Variants in SPAG16 observed in about 807,000 individuals in gnomAD.
The protein encoded by SPAG16 is sperm associated antigen 16.
SPAG16 carries 86 observed loss-of-function variants against 80.4 expected under a neutral mutation model. That is an observed-to-expected ratio of 1.07 (90% CI 0.90 to 1.28). The LOEUF (loss-of-function observed/expected upper bound fraction) is 1.28, where lower values mean the gene tolerates loss of function less well. Ranked by LOEUF, SPAG16 falls within the 50% of genes most tolerant of loss-of-function variation. The pLI, the probability that SPAG16 is intolerant of heterozygous loss-of-function variation, is 0.00. For synonymous variants in SPAG16, 294 were observed against 265.9 expected (o/e 1.11, Z -1.03); for missense variants, 870 against 765.3 (o/e 1.14, Z -1.61).
intron 14 of SPAG16, among the ~76,000 whole-genome samples, chr2:214,123,613 A>C (rs1424293390): frequency 1.3e-5 from 2 of 152,042 alleles, no homozygotes; most frequent in African/African-American, 4.8e-5. Context: ...CAGAGACAAT[A>C]AACCAGTAAA....
intron 15 of SPAG16, among the ~76,000 whole-genome samples, chr2:214,193,827 C>T (rs1412724273): frequency 1.3e-5 from 2 of 152,018 alleles, no homozygotes; most frequent in African/African-American, 4.8e-5. Flanking sequence ...TGCAAATGTT[C>T]TCTCTACTGC....
At chr2:213,721,544 G>A (rs372415529) in intron 10 of SPAG16, among the ~76,000 whole-genome samples, 7 of 152,304 alleles carry the variant, frequency 4.6e-5, no homozygotes, top group African/African-American at 1.7e-4. Context: ...TCATTGACCT[G>A]ATTGGTTAAG....
At position 213,615,114 on chromosome 2, in the gene SPAG16, A is replaced by T. The variant is rs187894850; in HGVS notation, c.1070+125024A>T. Among the ~76,000 whole-genome samples the T allele has an allele frequency of 1.6e-3, 250 of 152,334 alleles. 1 individual carries two copies. Among genetic ancestry groups the T allele is most frequent in the African/African-American group, 5.9e-3 (244 of 41,572 alleles). Reference sequence around the variant, plus strand: ...CAAGTTGACAGACGGTTAATCTGCAAATACTTACTGAACATATACTATGGG... The same window carrying T: ...CAAGTTGACAGACGGTTAATCTGCATATACTTACTGAACATATACTATGGG... On this transcript the variant is annotated intron_variant, in intron 10 of 15. Transcript: ENST00000331683.
chr2:214,197,811 C>T (rs17816650), intron 15 of SPAG16, among the ~76,000 whole-genome samples: 45,304 of 151,456 alleles, frequency 0.3, 8,443 homozygotes, highest in Non-Finnish European at 0.41. Context: ...TGTTTTTCCA[C>T]TGAATTAACC....
intron 13 of SPAG16, among the ~76,000 whole-genome samples, chr2:214,067,808 CT>C (rs1164086360): frequency 6.6e-6 from 1 of 152,028 alleles, no homozygotes; most frequent in Non-Finnish European, 1.5e-5. Flanking sequence ...TCTTTATTTA[CT>C]TTTTGGGCCC....
chr2:214,218,295 G>T lies in SPAG16; in HGVS notation c.1720+69029G>T, dbSNP rs988709617. ...CGAGGTCCCCTTAAACAGTCTGGGG[G>T]ACCCCTAGAAGTCCTGAAGCCACCC... On this transcript the variant is annotated intron_variant, in intron 15 of 15. Coordinates refer to ENST00000331683, the MANE Select transcript of SPAG16 (RefSeq NM_024532.5). Among the ~76,000 whole-genome samples the T allele has an allele frequency of 3.9e-5, 6 of 152,154 alleles. No homozygotes were observed. In the East Asian group the frequency reaches 1.2e-3, roughly 29 times the overall value.
At chr2:213,811,241 C>A (rs987009771) in intron 10 of SPAG16, among the ~76,000 whole-genome samples, 1 of 152,082 alleles carries the variant, frequency 6.6e-6, no homozygotes, top group Non-Finnish European at 1.5e-5. Context: ...AATACAAAAT[C>A]TCTTTCATTT....
At chr2:213,935,395 G>A (rs1372853388) in intron 12 of SPAG16, among the ~76,000 whole-genome samples, 3 of 152,082 alleles carry the variant, frequency 2.0e-5, no homozygotes, top group Non-Finnish European at 4.4e-5. Context: ...ATTATTTGAA[G>A]GAGTAGTAAT....
chr2:213,555,368 TAGTA>T (rs1440811776), intron 10 of SPAG16, among the ~76,000 whole-genome samples: 3 of 152,168 alleles, frequency 2.0e-5, no homozygotes, highest in African/African-American at 7.2e-5. Context: ...GTTCTCATGA[TAGTA>T]AGTGAGTCTC....
intron 14 of SPAG16, among the ~76,000 whole-genome samples, chr2:214,142,993 A>G (rs559830470): frequency 1.3e-5 from 2 of 152,198 alleles, no homozygotes; most frequent in African/African-American, 2.4e-5. Context: ...TACTTAGTGC[A>G]TAGTATGCCT....
At chr2:214,243,784 C>T (rs1307006027) in intron 15 of SPAG16, among the ~76,000 whole-genome samples, 1 of 151,868 alleles carries the variant, frequency 6.6e-6, no homozygotes, top group Non-Finnish European at 1.5e-5. Context: ...AAATATCAAA[C>T]AATATAGAGT....
intron 12 of SPAG16, among the ~76,000 whole-genome samples, chr2:213,973,031 T>C (rs2045162152): frequency 6.6e-6 from 1 of 152,220 alleles, no homozygotes. Flanking sequence ...CGATTAATTC[T>C]GTGCTGGGTC....
chr2:213,694,184 C>A (rs1412249755), intron 10 of SPAG16, among the ~76,000 whole-genome samples: 1 of 152,110 alleles, frequency 6.6e-6, no homozygotes, highest in African/African-American at 2.4e-5. Context: ...AGGAGGAGGG[C>A]ATATTACTTA....
intron 9 of SPAG16, among the ~76,000 whole-genome samples, chr2:213,387,275 A>G (rs2067474532): frequency 6.6e-6 from 1 of 151,518 alleles, no homozygotes; most frequent in African/African-American, 2.4e-5. Context: ...TATATATTCA[A>G]TGACAGTGCA....
chr2:214,202,732 T>C (rs979428866), intron 15 of SPAG16, among the ~76,000 whole-genome samples: 23 of 152,146 alleles, frequency 1.5e-4, no homozygotes, highest in Non-Finnish European at 2.9e-4. Flanking sequence ...TCTACATCTT[T>C]AAGGGCCAAG....
At chr2:214,308,320 T>C (rs998924861) in intron 15 of SPAG16, among the ~76,000 whole-genome samples, 2 of 152,176 alleles carry the variant, frequency 1.3e-5, no homozygotes, top group Non-Finnish European at 2.9e-5. Context: ...CAGAATACCA[T>C]TGGGTCTTGG....
At chr2:214,089,638 G>A (rs774377637) in intron 13 of SPAG16, among the ~76,000 whole-genome samples, 2 of 151,872 alleles carry the variant, frequency 1.3e-5, no homozygotes, top group African/African-American at 4.8e-5. Context: ...AACACTATAT[G>A]TAACAACATT....
intron 11 of SPAG16, among the ~76,000 whole-genome samples, chr2:213,910,551 C>G (rs557241247): frequency 1.2e-5 from 1 of 86,190 alleles, no homozygotes; most frequent in Non-Finnish European, 3.0e-5. Context: ...TGCAGTGGCG[C>G]GATCTCGGCT....
chr2:213,548,173 AT>A (rs2076673210), intron 10 of SPAG16, among the ~76,000 whole-genome samples: 1 of 152,092 alleles, frequency 6.6e-6, no homozygotes, highest in South Asian at 2.1e-4. Flanking sequence ...ATTTTTAATT[AT>A]TTTATATTAC....
Sources: gnomAD v4.1 joint callset for allele counts (sites outside exome capture counted in the v4.1 genomes callset) on GRCh38, gnomAD v4.1.1 for gene constraint, MANE v1.5 for transcripts, NCBI Gene and HGNC (gene_info 2026-07-23, HGNC 2026-07-21) for gene names.